DAG1: variants seen among roughly 807,000 people sequenced by gnomAD.
DAG1 encodes the protein dystroglycan 1.
A neutral mutation model predicts 46.1 loss-of-function variants in DAG1; 8 were observed. The ratio of observed to expected loss-of-function variants is 0.17; its 90% CI spans 0.10 to 0.31. DAG1 has a LOEUF of 0.31. Among genes scored for constraint, DAG1 ranks in the 10% least tolerant of loss-of-function variants. The pLI is 1.00. For synonymous variants in DAG1, 495 were observed against 481.8 expected (o/e 1.03, Z -0.36); for missense variants, 1,003 against 1,189.9 (o/e 0.84, Z 2.31).
intron 2 of DAG1, among the ~76,000 whole-genome samples, chr3:49,519,434 G>A (rs995827668): frequency 6.6e-6 from 1 of 152,134 alleles, no homozygotes. Flanking sequence ...CTGCTGGCAC[G>A]GGCCCCCAAT....
chr3:49,489,904 T>C (rs1237016201), intron 1 of DAG1, among the ~76,000 whole-genome samples: 1 of 148,604 alleles, frequency 6.7e-6, no homozygotes, highest in Non-Finnish European at 1.5e-5. Context: ...TTGAGGTAAG[T>C]GGGGTGGGGT....
chr3:49,492,110 A>G (rs572333117), intron 1 of DAG1, among the ~76,000 whole-genome samples: 1 of 152,084 alleles, frequency 6.6e-6, no homozygotes, highest in East Asian at 1.9e-4. Flanking sequence ...TATTTTTAGT[A>G]GAGACAGGGT....
intron 1 of DAG1, among the ~76,000 whole-genome samples, chr3:49,495,276 T>G (rs1448005991): frequency 6.6e-6 from 1 of 152,172 alleles, no homozygotes; most frequent in African/African-American, 2.4e-5. Flanking sequence ...AAATGTCTGT[T>G]TATAATGTAT....
At chr3:49,479,433 C>T (rs906169827) in intron 1 of DAG1, among the ~76,000 whole-genome samples, 2 of 150,794 alleles carry the variant, frequency 1.3e-5, no homozygotes, top group African/African-American at 4.9e-5. Context: ...TCTCAGCCTC[C>T]TGAGTAGCTG....
intron 2 of DAG1, 121 bp from the exon 3 acceptor site, chr3:49,530,676 C>T (rs2051314050): frequency 1.4e-6 from 2 of 1,410,542 alleles, no homozygotes; most frequent in African/African-American, 1.4e-5. Flanking sequence ...GAATCAGCTT[C>T]CCCAGCAGGC....
intron 1 of DAG1, among the ~76,000 whole-genome samples, chr3:49,490,120 G>A (rs745782113): frequency 2.0e-5 from 3 of 152,094 alleles, no homozygotes; most frequent in Non-Finnish European, 4.4e-5. Flanking sequence ...TTGGGAGGCC[G>A]AGGCAGACGG....
In DAG1 at chr3:49,533,091, G is replaced by T; in HGVS notation, c.2580G>T (p.Ala860=). 6.2e-7 allele frequency: 1 copy of T among 1,614,104 alleles called. No individual in the cohort carries two copies. The highest frequency in any genetic ancestry group is 8.5e-7 in the Non-Finnish European group (1 of 1,180,010). ...CCCTGCGGGATGAGGATCCCAATGC[G>T]CCTCCCTACCAGCCCCCACCGCCCT... The part of the protein sequence containing the change: ...YTPLRDEDPN[A]PPYQPPPPFT... The change falls in exon 3 of 3, where the codon GCG becomes GCT. Residue 860 remains alanine (A), a synonymous_variant. Transcript: ENST00000308775.
At chr3:49,473,421 CAAAACAAAAAA>C (rs1365860621) in intron 1 of DAG1, among the ~76,000 whole-genome samples, 2 of 148,530 alleles carry the variant, frequency 1.3e-5, no homozygotes, top group South Asian at 2.1e-4. Context: ...GACTCCGTCT[CAAAACAAAAAA>C]AAAACACAAA....
chr3:49,490,460 C>T (rs939296090), intron 1 of DAG1, among the ~76,000 whole-genome samples: 1 of 151,606 alleles, frequency 6.6e-6, no homozygotes, highest in African/African-American at 2.4e-5. Flanking sequence ...CATTTGTTTG[C>T]ATTTTGCTGT....
intron 1 of DAG1, among the ~76,000 whole-genome samples, chr3:49,479,869 T>C (rs1171868701): frequency 1.3e-5 from 2 of 150,112 alleles, no homozygotes; most frequent in East Asian, 3.9e-4. Context: ...CTCGAACTCC[T>C]GACCTCGTGA....
intron 2 of DAG1, among the ~76,000 whole-genome samples, chr3:49,516,758 C>T (rs1401663306): frequency 1.3e-5 from 2 of 152,164 alleles, no homozygotes; most frequent in African/African-American, 2.4e-5. Flanking sequence ...TATTCACCCT[C>T]CCTCAGCCAT....
chr3:49,529,504 C>G (rs985457030), intron 2 of DAG1, among the ~76,000 whole-genome samples: 1 of 152,130 alleles, frequency 6.6e-6, no homozygotes, highest in Non-Finnish European at 1.5e-5. Flanking sequence ...GCCCAGGGAA[C>G]CAGAGGCACT....
intron 2 of DAG1, among the ~76,000 whole-genome samples, chr3:49,521,669 T>A (rs532979104): frequency 2.0e-5 from 3 of 152,256 alleles, no homozygotes; most frequent in East Asian, 3.9e-4. Flanking sequence ...TGATGGTGTT[T>A]AGTGCCTACA....
intron 1 of DAG1, among the ~76,000 whole-genome samples, chr3:49,485,285 T>A (rs1306541574): frequency 6.6e-6 from 1 of 151,876 alleles, no homozygotes; most frequent in Non-Finnish European, 1.5e-5. Flanking sequence ...AAGGACGGAG[T>A]GTTGTTCTGT....
At chr3:49,496,838 G>A (rs1262801287) in intron 1 of DAG1, among the ~76,000 whole-genome samples, 1 of 151,834 alleles carries the variant, frequency 6.6e-6, no homozygotes, top group Non-Finnish European at 1.5e-5. Context: ...TGTTGGCCAG[G>A]ATGGTCTCCA....
intron 2 of DAG1, among the ~76,000 whole-genome samples, chr3:49,528,301 T>TTTTTTTTTTTTTTTTTTTTTTTTC: frequency 1.2e-5 from 1 of 82,880 alleles, no homozygotes; most frequent in Non-Finnish European, 2.4e-5. Flanking sequence ...TTTTTTTTTT[T>TTTTTTTTTTTTTTTTTTTTTTTTC]TGGGACAGAG....
At chr3:49,500,073 CA>C (rs2050406086) in intron 1 of DAG1, among the ~76,000 whole-genome samples, 1 of 12,060 alleles carries the variant, frequency 8.3e-5, no homozygotes, top group African/African-American at 1.9e-4. Flanking sequence ...TTCCCGGGTT[CA>C]AGCAATTTTC....
At chr3:49,498,231 G>T (rs1314347118) in intron 1 of DAG1, among the ~76,000 whole-genome samples, 1 of 152,138 alleles carries the variant, frequency 6.6e-6, no homozygotes, top group African/African-American at 2.4e-5. Context: ...TGCAGTTTAG[G>T]TAGGAACCTG....
intron 2 of DAG1, among the ~76,000 whole-genome samples, chr3:49,524,327 T>C (rs2051112846): frequency 1.3e-5 from 2 of 152,190 alleles, no homozygotes; most frequent in Non-Finnish European, 2.9e-5. Flanking sequence ...GCCTGTGACT[T>C]GGCCAGGTTC....
Sources: gnomAD v4.1 joint callset for allele counts (sites outside exome capture counted in the v4.1 genomes callset) on GRCh38, gnomAD v4.1.1 for gene constraint, MANE v1.5 for transcripts, NCBI Gene and HGNC (gene_info 2026-07-23, HGNC 2026-07-21) for gene names.